MAGI2: variants seen among roughly 807,000 people sequenced by gnomAD.
MAGI2 encodes the protein membrane-associated guanylate kinase, WW and PDZ domain-containing protein 2.
Under a neutral mutation model 133.3 loss-of-function variants are expected in MAGI2, and 35 were observed. That is an observed-to-expected ratio of 0.26 (90% CI 0.20 to 0.35). The LOEUF (loss-of-function observed/expected upper bound fraction) is 0.35. MAGI2 is among the 10% of genes least tolerant of loss of function. The pLI is 1.00. For missense variants in MAGI2, 1,636 were observed against 1,863.4 expected, an observed-to-expected ratio of 0.88 and a Z score of 2.25; for synonymous variants, 729 against 710.6, an observed-to-expected ratio of 1.03 and a Z score of -0.41.
At chr7:79,171,643 A>G (rs1380228967) in intron 1 of MAGI2, among the ~76,000 whole-genome samples, 2 of 148,612 alleles carry the variant, frequency 1.3e-5, no homozygotes, top group South Asian at 2.1e-4. Context: ...TCTACAGGTA[A>G]CTCACTTTTG....
chr7:79,229,643 A>G (rs1046606201), intron 1 of MAGI2, among the ~76,000 whole-genome samples: 3 of 152,222 alleles, frequency 2.0e-5, no homozygotes, highest in African/African-American at 7.2e-5. Context: ...ATAATTGACC[A>G]AGAATCAGAT....
chr7:78,209,622 C>T (rs1355072423), intron 10 of MAGI2, among the ~76,000 whole-genome samples: 1 of 152,076 alleles, frequency 6.6e-6, no homozygotes, highest in African/African-American at 2.4e-5. Context: ...TCCGTCTTTT[C>T]TGTCTCCGAA....
intron 2 of MAGI2, chr7:79,006,825 A>G (rs1379411640): frequency 1.5e-5 from 5 of 328,458 alleles, no homozygotes; most frequent in Non-Finnish European, 2.2e-5. Flanking sequence ...ACTAGAATCA[A>G]TATTTCTCAA....
At chr7:78,728,210 G>A (rs1169459569) in intron 2 of MAGI2, among the ~76,000 whole-genome samples, 1 of 152,000 alleles carries the variant, frequency 6.6e-6, no homozygotes, top group East Asian at 1.9e-4. Context: ...GATGATAACT[G>A]AGATATTAAA....
At chr7:78,737,350 T>C (rs1382798928) in intron 2 of MAGI2, among the ~76,000 whole-genome samples, 2 of 152,142 alleles carry the variant, frequency 1.3e-5, no homozygotes, top group Admixed American at 1.3e-4. Flanking sequence ...AAAGATTCAT[T>C]CAAAATGCAA....
chr7:78,451,313 G>A (rs900059741), intron 6 of MAGI2, among the ~76,000 whole-genome samples: 6 of 152,048 alleles, frequency 3.9e-5, no homozygotes, highest in African/African-American at 9.7e-5. Context: ...CATTAGAAAC[G>A]AGAGGGTTCC....
intron 6 of MAGI2, among the ~76,000 whole-genome samples, chr7:78,374,719 T>C (rs1399930731): frequency 6.6e-6 from 1 of 152,144 alleles, no homozygotes; most frequent in Non-Finnish European, 1.5e-5. Flanking sequence ...TTTGGTATCA[T>C]GGTCACACTA....
chr7:79,341,400 T>TAAAAA (rs143117898), intron 1 of MAGI2, among the ~76,000 whole-genome samples: 1 of 150,626 alleles, frequency 6.6e-6, no homozygotes, highest in African/African-American at 2.4e-5. Flanking sequence ...TGTGTTTATT[T>TAAAAA]AAAAAAAAAA....
chr7:79,216,686 C>T (rs1830059409), intron 1 of MAGI2, among the ~76,000 whole-genome samples: 1 of 152,068 alleles, frequency 6.6e-6, no homozygotes, highest in African/African-American at 2.4e-5. Flanking sequence ...GCATGTCCTG[C>T]AAGGGGCGTC....
intron 10 of MAGI2, among the ~76,000 whole-genome samples, chr7:78,223,980 C>A (rs1049586477): frequency 2.8e-4 from 42 of 152,302 alleles, no homozygotes; most frequent in African/African-American, 9.6e-4. Context: ...CTTGCAGAAG[C>A]AATTGCTCTC....
chr7:79,065,679 TTAAG>T (rs1392248929), intron 1 of MAGI2, among the ~76,000 whole-genome samples: 7 of 152,092 alleles, frequency 4.6e-5, no homozygotes, highest in African/African-American at 1.2e-4. Context: ...GTCATCTACA[TTAAG>T]TATTTCTCCT....
intron 6 of MAGI2, among the ~76,000 whole-genome samples, chr7:78,481,897 A>G (rs1231433017): frequency 2.0e-5 from 3 of 151,934 alleles, no homozygotes; most frequent in Non-Finnish European, 2.9e-5. Context: ...TCATAAAAGG[A>G]AAAATGATAA....
Position 79,326,643 on chromosome 7 carries a change from T to C in MAGI2, c.301+126377A>G, listed in dbSNP as rs115443387. Among the ~76,000 whole-genome samples, 775 of 137,362 alleles carry C rather than the reference T, an allele frequency of 5.6e-3. 4 individuals carry two copies. Among genetic ancestry groups the C allele is most frequent in the African/African-American group, 0.02 (732 of 36,492 alleles). The allele number at this position is 137,362 out of a possible 152,430, so 90.1% of individuals were successfully genotyped here. On this transcript the variant is annotated intron_variant, in intron 1 of 21. Coordinates refer to ENST00000354212, the MANE Select transcript of MAGI2 (RefSeq NM_012301.4). The stretch of plus-strand genomic sequence containing the variant: ...TATTAGTCATTCAGAGCAAATTGAG[T>C]TCAGTGTCAGTGATACATTTTTTTT...
chr7:78,369,852 T>G (rs996708870), intron 6 of MAGI2, among the ~76,000 whole-genome samples: 1 of 151,686 alleles, frequency 6.6e-6, no homozygotes, highest in Non-Finnish European at 1.5e-5. Flanking sequence ...ACACACACAT[T>G]AAAAAAAATC....
At chr7:79,208,990 G>C (rs1829284036) in intron 1 of MAGI2, among the ~76,000 whole-genome samples, 1 of 151,952 alleles carries the variant, frequency 6.6e-6, no homozygotes, top group African/African-American at 2.4e-5. Flanking sequence ...TAGAAGTAGA[G>C]AGCAGAATGG....
At chr7:78,073,639 G>A (rs1268227331) in intron 21 of MAGI2, among the ~76,000 whole-genome samples, 1 of 152,188 alleles carries the variant, frequency 6.6e-6, no homozygotes, top group South Asian at 2.1e-4. Flanking sequence ...TTCATCCAGC[G>A]GCACCTCTAT....
chr7:78,064,150 A>G (rs1029088074), intron 21 of MAGI2, among the ~76,000 whole-genome samples: 2 of 152,226 alleles, frequency 1.3e-5, no homozygotes, highest in African/African-American at 2.4e-5. Flanking sequence ...GATTTCCCCA[A>G]TAAGTATTCC....
intron 1 of MAGI2, among the ~76,000 whole-genome samples, chr7:79,434,511 T>C (rs928573193): frequency 6.6e-6 from 1 of 152,136 alleles, no homozygotes; most frequent in Non-Finnish European, 1.5e-5. Context: ...ATGCCTGATT[T>C]TGGGGAAAAA....
At chr7:78,601,893 C>T (rs1404860467) in intron 3 of MAGI2, among the ~76,000 whole-genome samples, 5 of 152,118 alleles carry the variant, frequency 3.3e-5, no homozygotes, top group African/African-American at 9.7e-5. Context: ...ACAGTGGACA[C>T]GTGGTATAAA....
Sources: allele counts gnomAD v4.1 joint callset (sites outside exome capture counted in the v4.1 genomes callset), GRCh38; gene constraint gnomAD v4.1.1; transcripts MANE v1.5; gene names NCBI Gene and HGNC (gene_info 2026-07-23, HGNC 2026-07-21).